MGST1: variants seen among roughly 807,000 people sequenced by gnomAD.
The protein encoded by MGST1 is microsomal glutathione S-transferase 1.
Under a neutral mutation model 8.9 loss-of-function variants are expected in MGST1, and 5 were observed. The ratio of observed to expected loss-of-function variants is 0.56; its 90% CI spans 0.29 to 1.19. The LOEUF (loss-of-function observed/expected upper bound fraction) is 1.19. MGST1 is among the 50% of genes most tolerant of loss of function. The pLI, the probability that MGST1 is intolerant of heterozygous loss-of-function variation, is 0.08. For missense variants in MGST1, 182 were observed against 187.4 expected (o/e 0.97, Z 0.17); for synonymous variants, 54 against 67.8 (o/e 0.80, Z 1.00).
intron 1 of MGST1, chr12:16,402,114 A>G (rs1417810372): frequency 2.0e-6 from 3 of 1,521,368 alleles, no homozygotes; most frequent in East Asian, 2.3e-5. Flanking sequence ...CAGCAGTCTG[A>G]TGGCAGGGGC....
At chr12:16,456,625 G>A (rs886926850) in intron 4 of MGST1, among the ~76,000 whole-genome samples, 1 of 151,948 alleles carries the variant, frequency 6.6e-6, no homozygotes, top group South Asian at 2.1e-4. Context: ...TCCAACAGAG[G>A]TTGAGGGCTC....
chr12:16,551,160 G>A (rs1233825212), intron 4 of MGST1: 2 of 1,058,948 alleles, frequency 1.9e-6, no homozygotes, highest in Non-Finnish European at 3.0e-6. Flanking sequence ...TTATGTACAT[G>A]TGGAGCAAAA....
At chr12:16,566,903 A>G (rs1942637173) in intron 4 of MGST1, among the ~76,000 whole-genome samples, 1 of 152,204 alleles carries the variant, frequency 6.6e-6, no homozygotes, top group African/African-American at 2.4e-5. Flanking sequence ...CCTAACTACA[A>G]TTTCAGTAAA....
chr12:16,464,668 G>T (rs1941242204), intron 4 of MGST1, among the ~76,000 whole-genome samples: 1 of 152,138 alleles, frequency 6.6e-6, no homozygotes, highest in East Asian at 1.9e-4. Context: ...CAATTTCAGT[G>T]CCTTAACATA....
chr12:16,583,164 C>A (rs531582244), intron 4 of MGST1, among the ~76,000 whole-genome samples: 1 of 152,042 alleles, frequency 6.6e-6, no homozygotes, highest in South Asian at 2.1e-4. Flanking sequence ...GTAAGATGAT[C>A]CCGGATAAAA....
intron 4 of MGST1, among the ~76,000 whole-genome samples, chr12:16,516,546 C>T (rs79984605): frequency 0.11 from 16,754 of 152,122 alleles, 1,032 homozygotes; most frequent in Middle Eastern, 0.23. Flanking sequence ...CATTCTACAT[C>T]TGAAAGTTGG....
At chr12:16,399,962 C>T in intron 1 of MGST1, 4 of 1,343,554 alleles carry the variant, frequency 3.0e-6, no homozygotes, top group Non-Finnish European at 4.3e-6. Context: ...TTTACCAGCG[C>T]ACTACTAGTG....
At position 16,560,974 on chromosome 12, in the gene MGST1, CATT is replaced by C. The variant is rs748605633; in HGVS notation, n.483-28546_483-28544del. 2.0e-5 allele frequency among the ~76,000 whole-genome samples: 3 copies of C among 151,942 alleles called. No individual in the cohort carries two copies. Among genetic ancestry groups the C allele is most frequent in the African/African-American group, 2.4e-5 (1 of 41,356 alleles). ...GACATTTAGTTACTAAAAGGTTTGC[CATT>C]ATTATTAAAAATACATTTATGAAGA... is the stretch of plus-strand genomic sequence containing the variant. On this transcript the variant is annotated intron_variant and non_coding_transcript_variant, in intron 4 of 4. Transcript: ENST00000538857. This position sits in a 1 kb window ranked among gnomAD's most constrained non-coding sequence, Gnocchi z 5.0.
intron 3 of MGST1, among the ~76,000 whole-genome samples, chr12:16,358,619 A>G (rs1939835868): frequency 6.6e-6 from 1 of 151,764 alleles, no homozygotes; most frequent in Admixed American, 6.6e-5. Flanking sequence ...GGCATGTGCC[A>G]CCACGCCCAG....
Position 16,571,840 on chromosome 12 carries a change from T to G in MGST1, n.483-17688T>G, listed in dbSNP as rs527341954. Among the ~76,000 whole-genome samples the G allele has an allele frequency of 1.5e-4, 23 of 152,152 alleles. No homozygotes were observed. In the East Asian group the frequency reaches 4.4e-3, roughly 29 times the overall value. On this transcript the variant is annotated intron_variant and non_coding_transcript_variant, in intron 4 of 4. Coordinates refer to the MGST1 transcript ENST00000538857. ...TCTGACTTAGTTTTCAGACTGAACTTGTAACATTGTCTTAAAACTCATTGA... is the reference window on the plus strand; with the variant it reads ...TCTGACTTAGTTTTCAGACTGAACTGGTAACATTGTCTTAAAACTCATTGA...
intron 1 of MGST1, among the ~76,000 whole-genome samples, chr12:16,387,191 T>A (rs1397978624): frequency 6.6e-6 from 1 of 152,112 alleles, no homozygotes; most frequent in Non-Finnish European, 1.5e-5. Context: ...CATACATGTA[T>A]AAATGGGAAA....
chr12:16,484,958 C>G (rs985133584), intron 4 of MGST1, among the ~76,000 whole-genome samples: 14 of 152,168 alleles, frequency 9.2e-5, no homozygotes, highest in Non-Finnish European at 1.9e-4. Context: ...TTCATTTATT[C>G]ATCTCTCACT....
intron 4 of MGST1, among the ~76,000 whole-genome samples, chr12:16,554,750 G>C (rs962806124): frequency 6.6e-6 from 1 of 152,122 alleles, no homozygotes; most frequent in South Asian, 2.1e-4. Context: ...TCCGCCTCCC[G>C]GGTTCCCGCC....
intron 4 of MGST1, among the ~76,000 whole-genome samples, chr12:16,520,129 G>A (rs143389734): frequency 2.6e-5 from 4 of 151,920 alleles, no homozygotes; most frequent in African/African-American, 4.8e-5. Flanking sequence ...TGAAATTTTC[G>A]ACCCAGAAAT....
chr12:16,421,755 G>C (rs960035021), intron 1 of MGST1, among the ~76,000 whole-genome samples: 3 of 152,126 alleles, frequency 2.0e-5, no homozygotes, highest in Non-Finnish European at 4.4e-5. Context: ...AAAATGTCAT[G>C]ATGGTGGGTC....
rs899665883 is a variant in MGST1 at position 16,584,505 on chromosome 12, G to A, written n.483-5023G>A. ...CCCAGTGGAAAAGTGTTGAGTGAAC[G>A]TAACAGCAGAAATATACAGAGAATG... On this transcript the variant is annotated intron_variant and non_coding_transcript_variant, in intron 4 of 4. Coordinates refer to the MGST1 transcript ENST00000538857. The surrounding 1 kb of genome is among the most constrained non-coding windows in gnomAD (Gnocchi z 5.2). Among the ~76,000 whole-genome samples the A allele has an allele frequency of 3.3e-5, 5 of 152,106 alleles. No individual in the cohort carries two copies. The South Asian group carries it at 8.3e-4, about 25-fold the overall frequency.
intron 4 of MGST1, among the ~76,000 whole-genome samples, chr12:16,543,333 C>T (rs1941803068): frequency 6.6e-6 from 1 of 152,048 alleles, no homozygotes. Flanking sequence ...AATGCTTTAC[C>T]ATCCACTATC....
At chr12:16,376,423 T>C (rs577469757) in exon 4 of MGST1, 30 of 271,768 alleles carry the variant, frequency 1.1e-4, no homozygotes, top group African/African-American at 6.4e-4. Flanking sequence ...TAATTTTGAA[T>C]ACAAATTTAA....
chr12:16,456,487 A>G (rs1240670668), intron 4 of MGST1, among the ~76,000 whole-genome samples: 2 of 152,004 alleles, frequency 1.3e-5, no homozygotes, highest in South Asian at 2.1e-4. Context: ...CATAAGCCAT[A>G]CCCTCTCAGA....
Sources: gnomAD v4.1 joint callset for allele counts (sites outside exome capture counted in the v4.1 genomes callset) on GRCh38, gnomAD v4.1.1 for gene constraint, Gnocchi (gnomAD v3.1) non-coding constraint, MANE v1.5 for transcripts, NCBI Gene and HGNC (gene_info 2026-07-23, HGNC 2026-07-21) for gene names.